KCNMA1: variants seen among roughly 807,000 people sequenced by gnomAD.
The protein encoded by KCNMA1 is Calcium-activated potassium channel subunit alpha-1.
KCNMA1 carries 29 observed loss-of-function variants against 140.0 expected under a neutral mutation model. The ratio of observed to expected loss-of-function variants is 0.21; its 90% CI spans 0.15 to 0.28. KCNMA1 has a LOEUF of 0.28. KCNMA1 is among the 10% of genes least tolerant of loss of function. KCNMA1 has a pLI of 1.00. For synonymous variants in KCNMA1, 612 were observed against 611.9 expected (o/e 1.00, Z 0.00); for missense variants, 880 against 1,602.2 (o/e 0.55, Z 7.70).
In KCNMA1 at chr10:77,470,760, A is replaced by G. The variant is rs544267405; in HGVS notation, c.379-66737T>C. Reference sequence around the variant, plus strand: ...GGAAACTCTCACCTCATTTCAAGCAACCAGGGTTTCTCTACAAGAGCCATC... The same window carrying G: ...GGAAACTCTCACCTCATTTCAAGCAGCCAGGGTTTCTCTACAAGAGCCATC... On this transcript the variant is annotated intron_variant, in intron 1 of 27. Transcript: ENST00000286628. 2.0e-5 allele frequency among the ~76,000 whole-genome samples: 3 copies of G among 152,266 alleles called. No homozygotes were observed. In the South Asian group the frequency reaches 6.2e-4, roughly 32 times the overall value.
intron 1 of KCNMA1, among the ~76,000 whole-genome samples, chr10:77,565,373 A>AATTGCTATCCAT (rs1419451585): frequency 6.6e-6 from 1 of 152,022 alleles, no homozygotes; most frequent in African/African-American, 2.4e-5. Flanking sequence ...CATTTTCCCA[A>AATTGCTATCCAT]ATTGCTATCT....
At chr10:77,636,560 A>G (rs917728050) in intron 1 of KCNMA1, 5 of 1,536,058 alleles carry the variant, frequency 3.3e-6, no homozygotes, top group African/African-American at 1.4e-5. Context: ...GGTATGTTCC[A>G]CTAGAGCACC....
intron 21 of KCNMA1, among the ~76,000 whole-genome samples, chr10:76,951,809 T>C (rs979319518): frequency 2.0e-5 from 3 of 152,158 alleles, no homozygotes; most frequent in Non-Finnish European, 4.4e-5. Flanking sequence ...AAGTACTCAT[T>C]TGTCTACCTA....
intron 1 of KCNMA1, among the ~76,000 whole-genome samples, chr10:77,588,815 G>A (rs1385514362): frequency 6.6e-6 from 1 of 152,218 alleles, no homozygotes; most frequent in Non-Finnish European, 1.5e-5. Context: ...TCAATCCACT[G>A]CATTTCAAGC....
chr10:77,399,981 T>C (rs560003364), intron 2 of KCNMA1, among the ~76,000 whole-genome samples: 6 of 152,280 alleles, frequency 3.9e-5, no homozygotes, highest in African/African-American at 9.6e-5. Context: ...ACAGGTGAGA[T>C]AGAGGCCCAG....
At chr10:76,882,608 C>G (rs1459172801), downstream of KCNMA1, among the ~76,000 whole-genome samples, 4 of 152,222 alleles carry the variant, frequency 2.6e-5, no homozygotes, top group African/African-American at 9.6e-5. Flanking sequence ...AACCTTCTCA[C>G]TTCTTTGCAA....
intron 1 of KCNMA1, among the ~76,000 whole-genome samples, chr10:77,511,583 TAGA>T (rs2048417626): frequency 6.6e-6 from 1 of 152,170 alleles, no homozygotes; most frequent in Non-Finnish European, 1.5e-5. Flanking sequence ...GCCTAGTTCA[TAGA>T]ATTTCTGTGA....
At chr10:77,159,707 G>A (rs751070620) in intron 5 of KCNMA1, among the ~76,000 whole-genome samples, 4 of 151,958 alleles carry the variant, frequency 2.6e-5, no homozygotes, top group Admixed American at 2.0e-4. Context: ...CAGACTCCAG[G>A]AACCAGCCAG....
intron 1 of KCNMA1, among the ~76,000 whole-genome samples, chr10:77,541,446 T>C (rs2060160403): frequency 6.6e-6 from 1 of 152,144 alleles, no homozygotes; most frequent in South Asian, 2.1e-4. Flanking sequence ...AAAATCCCTA[T>C]TTTGCATGAG....
intron 1 of KCNMA1, among the ~76,000 whole-genome samples, chr10:77,494,952 C>G (rs1405653899): frequency 6.6e-6 from 1 of 152,188 alleles, no homozygotes; most frequent in Non-Finnish European, 1.5e-5. Flanking sequence ...ATGTCTGTCT[C>G]TGTGTCCAAA....
chr10:77,564,536 T>C (rs2067474177), intron 1 of KCNMA1, among the ~76,000 whole-genome samples: 1 of 151,978 alleles, frequency 6.6e-6, no homozygotes, highest in Non-Finnish European at 1.5e-5. Flanking sequence ...TGAACCAAGA[T>C]CACACCACTG....
intron 1 of KCNMA1, among the ~76,000 whole-genome samples, chr10:77,506,596 A>AGT (rs796386759): frequency 0.034 from 2,832 of 83,256 alleles, 47 homozygotes; most frequent in Non-Finnish European, 0.042. Context: ...AGAGAGAGAG[A>AGT]GTGTGTGTGT....
intron 10 of KCNMA1, 54 bp from the exon 11 acceptor site, chr10:77,086,647 C>A: frequency 1.6e-6 from 2 of 1,227,382 alleles, no homozygotes; most frequent in Non-Finnish European, 2.4e-6. Flanking sequence ...GGGGTTTCAG[C>A]CTCCATGGGC....
rs147027172 is a variant in KCNMA1, at chr10:76,932,388, T to A, written c.2902+12385A>T. The stretch of plus-strand genomic sequence containing the variant: ...ATAAGCCAGGTGCATTTAGTATTCT[T>A]AGTGAGAAAATTGAGATAAAAAGAG... On this transcript the variant is annotated intron_variant, in intron 23 of 27. Transcript: ENST00000286628. 2.1e-4 allele frequency among the ~76,000 whole-genome samples: 32 copies of A among 152,268 alleles called. 2 individuals are homozygous for A. Among genetic ancestry groups the A allele is most frequent in the African/African-American group, 7.7e-4 (32 of 41,548 alleles).
chr10:77,530,492 T>C (rs1306304270), intron 1 of KCNMA1, among the ~76,000 whole-genome samples: 1 of 152,202 alleles, frequency 6.6e-6, no homozygotes, highest in African/African-American at 2.4e-5. Context: ...CAGAAGGATC[T>C]AGAAAAAGTG....
chr10:77,330,733 A>G lies in KCNMA1; in HGVS notation c.540+73129T>C, dbSNP rs2086072115. Among the ~76,000 whole-genome samples, 4 of 152,210 alleles carry G rather than the reference A, an allele frequency of 2.6e-5. No homozygotes were observed. The South Asian group carries it at 8.3e-4, about 32-fold the overall frequency. On this transcript the variant is annotated intron_variant, in intron 2 of 27. Coordinates refer to ENST00000286628, the MANE Select transcript of KCNMA1 (RefSeq NM_001161352.2). ...TCAGAACAGCCCAGGATGGCTCTTC[A>G]GGCAGCAAAGTTTAGTGGGAAAAGC... is the stretch of plus-strand genomic sequence containing the variant.
downstream of KCNMA1, among the ~76,000 whole-genome samples, chr10:76,881,631 G>C (rs1274293017): frequency 6.6e-6 from 1 of 152,176 alleles, no homozygotes; most frequent in East Asian, 1.9e-4. Context: ...TTAGCTTTTA[G>C]AGTAAGTTTA....
At chr10:77,135,045 G>A (rs1410912302) in intron 5 of KCNMA1, among the ~76,000 whole-genome samples, 4 of 89,728 alleles carry the variant, frequency 4.5e-5, no homozygotes, top group South Asian at 4.1e-4. Flanking sequence ...AAGAATCAAC[G>A]GAGTGAAGAG....
At chr10:77,554,597 C>CAAAAAAAAA (rs59754706) in intron 1 of KCNMA1, among the ~76,000 whole-genome samples, 10 of 84,078 alleles carry the variant, frequency 1.2e-4, no homozygotes, top group Admixed American at 2.8e-4. Context: ...TACTCCATCT[C>CAAAAAAAAA]AAAAAAAAAA....
Sources: allele counts gnomAD v4.1 joint callset (sites outside exome capture counted in the v4.1 genomes callset), GRCh38; gene constraint gnomAD v4.1.1; transcripts MANE v1.5; gene names NCBI Gene and HGNC (gene_info 2026-07-23, HGNC 2026-07-21).